Variants in PCDHA11 observed in about 807,000 individuals in gnomAD.
PCDHA11 encodes protocadherin alpha-11.
In PCDHA11, 61 loss-of-function variants were observed where a neutral mutation model predicts 70.3. The observed-to-expected ratio is 0.87, with a 90% CI of 0.71 to 1.07. PCDHA11 has a LOEUF of 1.07. PCDHA11 is among the 50% of genes least tolerant of loss of function. PCDHA11 has a pLI of 0.00. For missense variants in PCDHA11, 1,324 were observed against 1,237.5 expected, an observed-to-expected ratio of 1.07 and a Z score of -1.05; for synonymous variants, 633 against 555.1, an observed-to-expected ratio of 1.14 and a Z score of -1.97.
chr5:140,929,033 G>A (rs2085746479), intron 1 of PCDHA11: 1 of 1,614,186 alleles, frequency 6.2e-7, no homozygotes, highest in Non-Finnish European at 8.5e-7. Flanking sequence ...CCAGGCTGTT[G>A]CGCTCAGAGC....
chr5:140,928,223 A>G (rs2085050678), intron 1 of PCDHA11: 1 of 1,614,178 alleles, frequency 6.2e-7, no homozygotes. Flanking sequence ...AATACACCAA[A>G]CTTTCCTCAA....
intron 1 of PCDHA11, among the ~76,000 whole-genome samples, chr5:140,949,990 C>T (rs2094438709): frequency 6.6e-6 from 1 of 151,832 alleles, no homozygotes; most frequent in Non-Finnish European, 1.5e-5. Context: ...TAACTTTTCT[C>T]AGTCCACTTA....
At chr5:140,938,796 C>T (rs563991147) in intron 1 of PCDHA11, among the ~76,000 whole-genome samples, 4 of 152,138 alleles carry the variant, frequency 2.6e-5, no homozygotes, top group East Asian at 3.9e-4. Context: ...ATGAAATAAT[C>T]GGTACCACAA....
intron 1 of PCDHA11, among the ~76,000 whole-genome samples, chr5:140,919,377 A>G (rs2079104195): frequency 1.3e-5 from 2 of 152,208 alleles, no homozygotes; most frequent in Non-Finnish European, 2.9e-5. Context: ...CAGACAACAC[A>G]TAGTTGGATG....
At chr5:140,994,059 A>G (rs2097593470) in intron 3 of PCDHA11, among the ~76,000 whole-genome samples, 5 of 152,174 alleles carry the variant, frequency 3.3e-5, no homozygotes, top group Admixed American at 3.3e-4. Context: ...GCCCTTATAA[A>G]TCTAATGGTG....
chr5:140,886,602 C>A (rs1167539535), intron 1 of PCDHA11, among the ~76,000 whole-genome samples: 1 of 151,638 alleles, frequency 6.6e-6, no homozygotes, highest in Non-Finnish European at 1.5e-5. Flanking sequence ...CCAAGGTGGG[C>A]GGATCAGGAG....
intron 1 of PCDHA11, among the ~76,000 whole-genome samples, chr5:140,942,387 G>A (rs1398449068): frequency 1.3e-5 from 2 of 151,808 alleles, no homozygotes; most frequent in Admixed American, 1.3e-4. Context: ...ATTCCAGCCT[G>A]GGCGACAGAT....
Position 141,000,393 on chromosome 5 carries a change from CTCTATA to C in PCDHA11, c.2540-9232_2540-9227del, listed in dbSNP as rs1213195269. 6.1e-3 allele frequency among the ~76,000 whole-genome samples: 322 copies of C among 52,630 alleles called. 2 individuals are homozygous for C. Among genetic ancestry groups the C allele is most frequent in the Admixed American group, 0.01 (36 of 3,506 alleles). 34.5% of individuals were successfully genotyped at this position (52,630 alleles called of 152,430 possible). A position where few individuals can be genotyped will look rare whatever the true frequency, so the allele number is the denominator to read the frequency against. ...TCTCTCTCTCTCTCTCTCTCTCTCT[CTCTATA>C]TATATATATATATATATATATATTT... On this transcript the variant is annotated intron_variant, in intron 3 of 3. Transcript: ENST00000398640.
intron 1 of PCDHA11, chr5:140,877,084 C>G: frequency 6.2e-7 from 1 of 1,613,176 alleles, no homozygotes; most frequent in Non-Finnish European, 8.5e-7. Flanking sequence ...GGTGAGCGCG[C>G]GCGACGCCGG....
At chr5:140,975,213 G>A (rs1205237242) in intron 1 of PCDHA11, among the ~76,000 whole-genome samples, 2 of 152,178 alleles carry the variant, frequency 1.3e-5, no homozygotes, top group African/African-American at 4.8e-5. Context: ...GGCTGGCACT[G>A]GAGAATCTTC....
chr5:140,904,235 T>A (rs147535141), intron 1 of PCDHA11, among the ~76,000 whole-genome samples: 1,856 of 152,070 alleles, frequency 0.012, 44 homozygotes, highest in African/African-American at 0.042. Flanking sequence ...TACTTATGCC[T>A]TTGCATCCTC....
intron 1 of PCDHA11, among the ~76,000 whole-genome samples, chr5:140,918,702 G>A (rs2078814490): frequency 6.6e-6 from 1 of 152,150 alleles, no homozygotes; most frequent in Non-Finnish European, 1.5e-5. Flanking sequence ...ATTAAGTCAT[G>A]AGGGCAGAGC....
intron 1 of PCDHA11, among the ~76,000 whole-genome samples, chr5:140,962,145 G>A (rs1195781182): frequency 3.3e-5 from 5 of 152,074 alleles, no homozygotes; most frequent in Non-Finnish European, 7.4e-5. Flanking sequence ...AAAGTGCTGG[G>A]ATTACAGGCG....
At chr5:140,877,605 G>A (rs1554169915) in intron 1 of PCDHA11, 1 of 1,613,856 alleles carries the variant, frequency 6.2e-7, no homozygotes, top group Non-Finnish European at 8.5e-7. Context: ...CCAGCCTGCT[G>A]GTGCTCACGC....
intron 1 of PCDHA11, chr5:140,967,964 G>T: frequency 6.2e-7 from 1 of 1,614,210 alleles, no homozygotes. Flanking sequence ...CAACCGGAAA[G>T]TGAGCCTGGG....
intron 1 of PCDHA11, among the ~76,000 whole-genome samples, chr5:140,946,209 T>C (rs2153672553): frequency 6.6e-6 from 1 of 152,022 alleles, no homozygotes; most frequent in East Asian, 1.9e-4. Flanking sequence ...AGCACACAAA[T>C]GACCAACAGG....
At chr5:140,987,588 A>G (rs1479484790) in intron 3 of PCDHA11, among the ~76,000 whole-genome samples, 1 of 152,220 alleles carries the variant, frequency 6.6e-6, no homozygotes, top group Non-Finnish European at 1.5e-5. Flanking sequence ...TGGGGAGAAT[A>G]GTGGTGTCTA....
At chr5:140,986,397 C>T (rs943993265) in intron 3 of PCDHA11, among the ~76,000 whole-genome samples, 8 of 152,280 alleles carry the variant, frequency 5.3e-5, no homozygotes, top group Admixed American at 3.9e-4. Flanking sequence ...AAGGGCCAGT[C>T]GCTCATGTTA....
intron 1 of PCDHA11, among the ~76,000 whole-genome samples, chr5:140,907,316 A>G (rs2073307783): frequency 6.6e-6 from 1 of 152,194 alleles, no homozygotes; most frequent in African/African-American, 2.4e-5. Flanking sequence ...GAACATGTAA[A>G]GACCAGTGAA....
Sources: allele counts gnomAD v4.1 joint callset (sites outside exome capture counted in the v4.1 genomes callset), GRCh38; gene constraint gnomAD v4.1.1; transcripts MANE v1.5; gene names NCBI Gene and HGNC (gene_info 2026-07-23, HGNC 2026-07-21).